Variants in USH2A observed in about 807,000 individuals in gnomAD.
USH2A encodes usherin.
In USH2A, 443 loss-of-function variants were observed where a neutral mutation model predicts 538.9. The ratio of observed to expected loss-of-function variants is 0.82; its 90% CI spans 0.76 to 0.89. The LOEUF (loss-of-function observed/expected upper bound fraction) is 0.89. USH2A is among the 40% of genes least tolerant of loss of function. The probability of loss-of-function intolerance (pLI) is 0.00; values close to 1 mark genes in which losing one functional copy is unlikely to be tolerated. For missense variants in USH2A, 6,633 were observed against 6,324.8 expected (o/e 1.05, Z -1.65); for synonymous variants, 2,413 against 2,273.5 (o/e 1.06, Z -1.75).
At chr1:216,413,260 T>C (rs1159734780) in intron 3 of USH2A, among the ~76,000 whole-genome samples, 1 of 151,818 alleles carries the variant, frequency 6.6e-6, no homozygotes, top group Non-Finnish European at 1.5e-5. Flanking sequence ...TAATATGGGT[T>C]GAGATTCTCT....
At chr1:215,878,097 G>T (rs73090759) in intron 42 of USH2A, among the ~76,000 whole-genome samples, 1 of 151,766 alleles carries the variant, frequency 6.6e-6, no homozygotes, top group African/African-American at 2.4e-5. Flanking sequence ...AGTTACATTC[G>T]CATTTTACTA....
intron 38 of USH2A, among the ~76,000 whole-genome samples, chr1:215,908,274 T>C (rs1349869157): frequency 6.6e-6 from 1 of 151,992 alleles, no homozygotes; most frequent in African/African-American, 2.4e-5. Flanking sequence ...CTTTGTCCCA[T>C]GATAAACCAA....
intron 32 of USH2A, among the ~76,000 whole-genome samples, chr1:216,007,668 G>A (rs1401353147): frequency 6.6e-6 from 1 of 152,196 alleles, no homozygotes; most frequent in Non-Finnish European, 1.5e-5. Context: ...CAAGTGTGAT[G>A]TAGAAGCACT....
At chr1:215,990,693 A>G (rs1386574369) in intron 35 of USH2A, among the ~76,000 whole-genome samples, 1 of 151,942 alleles carries the variant, frequency 6.6e-6, no homozygotes, top group African/African-American at 2.4e-5. Flanking sequence ...CGGTTAGCCT[A>G]GAAGAATGAG....
chr1:216,135,953 T>C lies in USH2A; in HGVS notation c.4628-38740A>G, dbSNP rs887147381. ...AGTATATTCATTAAAAGTATATATA[T>C]ATATATGTATGAAGTCTACCATCTT... On this transcript the variant is annotated intron_variant, in intron 21 of 71. Coordinates refer to ENST00000307340, the MANE Select transcript of USH2A (RefSeq NM_206933.4). Among the ~76,000 whole-genome samples, 11 of 152,138 alleles carry C rather than the reference T, an allele frequency of 7.2e-5. No homozygotes were observed. The South Asian group carries it at 2.3e-3, about 32-fold the overall frequency.
intron 32 of USH2A, among the ~76,000 whole-genome samples, chr1:216,013,307 C>A (rs1668623097): frequency 6.7e-6 from 1 of 150,250 alleles, no homozygotes; most frequent in Admixed American, 6.7e-5. Context: ...ATCTCTCCCA[C>A]TCTAGGTTCC....
At chr1:216,409,801 T>A (rs887730349) in intron 3 of USH2A, among the ~76,000 whole-genome samples, 1 of 152,080 alleles carries the variant, frequency 6.6e-6, no homozygotes, top group Admixed American at 6.6e-5. Context: ...AATAGCATTC[T>A]GGACATAGGA....
chr1:216,000,195 A>G lies in USH2A; in HGVS notation c.6485+208T>C, dbSNP rs77720728. On this transcript the variant is annotated intron_variant, in intron 33 of 71. Coordinates refer to ENST00000307340, the MANE Select transcript of USH2A (RefSeq NM_206933.4). ...ATTGAAGTTTGCATGGAATCTGTGT[A>G]CCTATGTAGCTCAGCCTGATTGCAT... Among the ~76,000 whole-genome samples, 1,553 of 152,288 alleles carry G rather than the reference A, an allele frequency of 0.01. 23 individuals are homozygous for G. The highest frequency in any genetic ancestry group is 0.036 in the African/African-American group (1,483 of 41,570).
intron 32 of USH2A, among the ~76,000 whole-genome samples, chr1:216,009,346 C>G (rs976538687): frequency 1.3e-5 from 2 of 152,152 alleles, no homozygotes; most frequent in African/African-American, 2.4e-5. Context: ...GACCTAAAAT[C>G]TAAGTGTCTT....
intron 4 of USH2A, among the ~76,000 whole-genome samples, chr1:216,340,782 A>G (rs2038062084): frequency 6.6e-6 from 1 of 152,152 alleles, no homozygotes; most frequent in African/African-American, 2.4e-5. Flanking sequence ...AAGGGCTTCA[A>G]TAAAATTCAA....
chr1:216,398,251 A>G (rs757158486), intron 3 of USH2A, among the ~76,000 whole-genome samples: 2 of 152,174 alleles, frequency 1.3e-5, no homozygotes, highest in Non-Finnish European at 2.9e-5. Flanking sequence ...TGAACATAAC[A>G]AAACAAATAA....
chr1:216,119,921 T>A (rs1291248916), intron 21 of USH2A, among the ~76,000 whole-genome samples: 1 of 152,112 alleles, frequency 6.6e-6, no homozygotes, highest in East Asian at 1.9e-4. Context: ...TGCACAGACA[T>A]TGATGGGTTT....
intron 58 of USH2A, among the ~76,000 whole-genome samples, chr1:215,744,790 T>A (rs1209273493): frequency 7.2e-5 from 11 of 152,178 alleles, no homozygotes; most frequent in African/African-American, 2.7e-4. Flanking sequence ...ATCAATTGCT[T>A]CCTCAGGAAA....
At chr1:216,422,634 C>A in intron 1 of USH2A, 94 bp from the exon 2 acceptor site, 1 of 389,296 alleles carries the variant, frequency 2.6e-6, no homozygotes, top group South Asian at 2.5e-5. Context: ...CTCCTAGAAG[C>A]AACACTACTG....
intron 25 of USH2A, among the ~76,000 whole-genome samples, chr1:216,084,438 T>A (rs978477338): frequency 6.6e-6 from 1 of 152,144 alleles, no homozygotes; most frequent in East Asian, 1.9e-4. Context: ...CAAATGGACA[T>A]TGGTGATGCT....
Position 215,675,021 on chromosome 1 carries a change from G to C in USH2A, c.12890C>G (p.Ser4297Cys). The change falls in exon 63 of 72, where the codon TCC (serine) becomes TGC (cysteine). Residue 4297 changes from serine to cysteine, a missense_variant. By Grantham distance (112) the Ser-to-Cys change is moderately radical. Coordinates refer to ENST00000307340, the MANE Select transcript of USH2A (RefSeq NM_206933.4). ...PPEQSNGIIQSYRLQRNEMLY... is the reference protein window; with the variant it reads ...PPEQSNGIIQCYRLQRNEMLY... ...CATTTCATTCCTTTGAAGCCTATAG[G>C]ACTGGATAATACCATTAGACTGTTC... 6.2e-7 allele frequency: 1 copy of C among 1,614,166 alleles called. No individual in the cohort carries two copies. The highest frequency in any genetic ancestry group is 2.2e-5 in the East Asian group (1 of 44,862).
At chr1:216,337,504 A>G (rs1178939775) in intron 4 of USH2A, among the ~76,000 whole-genome samples, 2 of 151,470 alleles carry the variant, frequency 1.3e-5, no homozygotes, top group Non-Finnish European at 3.0e-5. Context: ...ATAATATACA[A>G]GTAGAAAACC....
intron 50 of USH2A, 78 bp from the exon 51 acceptor site, chr1:215,790,360 A>G: frequency 6.5e-7 from 1 of 1,529,610 alleles, no homozygotes; most frequent in Non-Finnish European, 9.0e-7. Context: ...AGTTTGGTAT[A>G]AAAATGTCAG....
At chr1:215,915,240 TA>T (rs1665921802) in intron 38 of USH2A, among the ~76,000 whole-genome samples, 5 of 152,062 alleles carry the variant, frequency 3.3e-5, no homozygotes, top group Admixed American at 2.0e-4. Flanking sequence ...CAATGTTGTT[TA>T]AAATTAGCCA....
Sources: allele counts gnomAD v4.1 joint callset (sites outside exome capture counted in the v4.1 genomes callset), GRCh38; gene constraint gnomAD v4.1.1; transcripts MANE v1.5; gene names NCBI Gene and HGNC (gene_info 2026-07-23, HGNC 2026-07-21).